CCP110: variants seen among roughly 807,000 people sequenced by gnomAD.
CCP110 encodes the protein centriolar coiled-coil protein 110.
In CCP110, 43 loss-of-function variants were observed where a neutral mutation model predicts 105.5. That is an observed-to-expected ratio of 0.41 (90% CI 0.32 to 0.53). CCP110 has a LOEUF of 0.53. Ranked by LOEUF, CCP110 falls within the 20% of genes least tolerant of loss-of-function variation. CCP110 has a pLI of 0.32. For missense variants in CCP110, 1,016 were observed against 1,189.1 expected, an observed-to-expected ratio of 0.85 and a Z score of 2.14; for synonymous variants, 353 against 392.1, an observed-to-expected ratio of 0.90 and a Z score of 1.18.
chr16:19,530,137 C>T (rs936335519), intron 2 of CCP110, among the ~76,000 whole-genome samples: 2 of 151,710 alleles, frequency 1.3e-5, no homozygotes, highest in Middle Eastern at 6.8e-3. Flanking sequence ...GCTGAGGCTG[C>T]GGTGAACCCT....
At chr16:19,541,028 A>G (rs923323959) in intron 5 of CCP110, among the ~76,000 whole-genome samples, 1 of 152,200 alleles carries the variant, frequency 6.6e-6, no homozygotes, top group Non-Finnish European at 1.5e-5. Flanking sequence ...TTAAAGCTTA[A>G]TATTTTAAAA....
At chr16:19,531,346 A>G (rs1434863580) in intron 2 of CCP110, among the ~76,000 whole-genome samples, 2 of 152,184 alleles carry the variant, frequency 1.3e-5, no homozygotes, top group Non-Finnish European at 2.9e-5. Flanking sequence ...ATAATTTTTT[A>G]ATGATATATT....
At chr16:19,542,787 A>C (rs1970333763) in intron 7 of CCP110, 27 bp downstream of exon 7, 1 of 1,596,104 alleles carries the variant, frequency 6.3e-7, no homozygotes, top group Non-Finnish European at 8.6e-7. Flanking sequence ...ATACATGTCC[A>C]TCTATCTATT....
chr16:19,532,902 A>C (rs1475237630), intron 3 of CCP110, among the ~76,000 whole-genome samples: 1 of 152,210 alleles, frequency 6.6e-6, no homozygotes, highest in African/African-American at 2.4e-5. Context: ...AAATGACCTT[A>C]TTCTCATTCT....
chr16:19,545,992 T>G, intron 11 of CCP110, 102 bp downstream of exon 11: 1 of 697,216 alleles, frequency 1.4e-6, no homozygotes, highest in Non-Finnish European at 2.5e-6. Flanking sequence ...GAGTTAATTT[T>G]TCTGCAGTTG....
intron 3 of CCP110, 37 bp from the exon 4 acceptor site, chr16:19,535,902 CA>C (rs1970034395): frequency 7.6e-7 from 1 of 1,307,678 alleles, no homozygotes; most frequent in African/African-American, 1.5e-5. Context: ...ACTTTTTGTG[CA>C]ATGAGGAAAT....
intron 4 of CCP110, among the ~76,000 whole-genome samples, chr16:19,538,293 G>A (rs1411861024): frequency 2.4e-5 from 3 of 125,522 alleles, no homozygotes; most frequent in Non-Finnish European, 4.7e-5. Flanking sequence ...ATAATTGGAG[G>A]AAACAGTTCT....
exon 15 of CCP110, chr16:19,551,732 C>T (rs1388227509): frequency 6.5e-6 from 1 of 153,660 alleles, no homozygotes; most frequent in South Asian, 2.0e-4. Context: ...TTGGATTAAC[C>T]ACTCAATGTC....
At chr16:19,532,240 C>T (rs548688226) in intron 2 of CCP110, among the ~76,000 whole-genome samples, 176 bp from the exon 3 acceptor site, 1 of 152,272 alleles carries the variant, frequency 6.6e-6, no homozygotes, top group African/African-American at 2.4e-5. Flanking sequence ...TTTTCTTCAC[C>T]ATGGAAAGAT....
chr16:19,547,870 G>C, intron 12 of CCP110, 85 bp from the exon 13 acceptor site: 1 of 936,432 alleles, frequency 1.1e-6, no homozygotes, highest in Non-Finnish European at 1.8e-6. Flanking sequence ...TTACCTTACA[G>C]TCATCATCTT....
chr16:19,539,240 G>A (rs1267780735), intron 4 of CCP110, among the ~76,000 whole-genome samples: 2 of 151,612 alleles, frequency 1.3e-5, no homozygotes, highest in African/African-American at 4.8e-5. Flanking sequence ...TTACTTTGTT[G>A]TCATTGTTGA....
At chr16:19,536,463 A>G (rs766959732) in exon 4 of CCP110, 2 of 1,614,078 alleles carry the variant, frequency 1.2e-6, no homozygotes, top group Admixed American at 1.7e-5. Context: ...GACAAAGAAC[A>G]TGATGCTGTT....
In CCP110 at chr16:19,545,887, T is replaced by C. The variant is rs373258310; in HGVS notation, c.2774T>C (p.Met925Thr). The C allele has an allele frequency of 6.3e-6, 10 of 1,584,364 alleles. No individual in the cohort carries two copies. The African/African-American group carries it at 8.1e-5, about 13-fold the overall frequency. The change falls in exon 11 of 15, where the codon ATG (methionine) becomes ACG (threonine). Residue 925 changes from methionine (M) to threonine (T), a missense_variant. Met to Thr is a moderately conservative substitution (Grantham distance 81). Coordinates refer to ENST00000381396, the Ensembl canonical transcript of CCP110. ...AAGTCTCTTGATAGGAAGAAATACATGAAGTAAGTTTTTTGTATCATGTCA... is the reference window on the plus strand; with the variant it reads ...AAGTCTCTTGATAGGAAGAAATACACGAAGTAAGTTTTTTGTATCATGTCA...
rs35453590 is a variant in CCP110, at chr16:19,526,127, A to G, written c.-15-1740A>G. On this transcript the variant is annotated intron_variant, in intron 1 of 14. Coordinates refer to ENST00000381396, the Ensembl canonical transcript of CCP110. ...ATATAGTACTATACATCTGCAAGAT[A>G]TAGGACATATATGTACTATTTAAGG... 30,521 of 152,188 alleles carry G rather than the reference A, an allele frequency of 0.2. 3,217 individuals are homozygous for G. The highest frequency in any genetic ancestry group is 0.24 in the African/African-American group (9,775 of 41,506). The allele number at this position is 152,188 out of a possible 1,614,324, so 9.4% of individuals were successfully genotyped here.
intron 4 of CCP110, among the ~76,000 whole-genome samples, chr16:19,539,076 C>T (rs1040283638): frequency 2.0e-5 from 3 of 151,056 alleles, no homozygotes; most frequent in African/African-American, 7.3e-5. Context: ...TGCACCATTG[C>T]ACTCCAGCCT....
chr16:19,550,542 G>A (rs777128338), intron 14 of CCP110, among the ~76,000 whole-genome samples: 14 of 152,216 alleles, frequency 9.2e-5, no homozygotes, highest in Middle Eastern at 6.8e-3. Context: ...ACTCACTGTC[G>A]CTCTTGAAAA....
At chr16:19,545,234 A>G (rs1307082941) in intron 10 of CCP110, 24 bp downstream of exon 10, 2 of 1,362,222 alleles carry the variant, frequency 1.5e-6, no homozygotes, top group Non-Finnish European at 1.0e-6. Context: ...TTTCTAATGA[A>G]TAGAGTTCTT....
Position 19,548,096 on chromosome 16 carries a change from A to G in CCP110, c.2900+82A>G. 1 of 975,538 alleles carries G rather than the reference A, an allele frequency of 1.0e-6. No homozygotes were observed. The highest frequency in any genetic ancestry group is 1.6e-6 in the Non-Finnish European group (1 of 610,968). 60.4% of individuals were successfully genotyped at this position (975,538 alleles called of 1,614,324 possible). A position where few individuals can be genotyped will look rare whatever the true frequency, so the allele number is the denominator to read the frequency against. The stretch of plus-strand genomic sequence containing the variant: ...GGGAAAAATAAATCTAGTGTTCTTT[A>G]TGTAAAGGATAATGGTTTTTCAATG... On this transcript the variant is annotated intron_variant, in intron 13 of 14. Transcript: ENST00000381396. The surrounding 1 kb of genome is among the most constrained non-coding windows in gnomAD (Gnocchi z 4.1).
intron 1 of CCP110, chr16:19,526,195 T>A (rs1440822059): frequency 6.6e-6 from 1 of 152,240 alleles, no homozygotes; most frequent in East Asian, 1.9e-4. Flanking sequence ...AGCTCTATGA[T>A]GTTGAAAGAA....
Sources: gnomAD v4.1 joint callset for allele counts (sites outside exome capture counted in the v4.1 genomes callset) on GRCh38, gnomAD v4.1.1 for gene constraint, Gnocchi (gnomAD v3.1) non-coding constraint, MANE v1.5 for transcripts, NCBI Gene and HGNC (gene_info 2026-07-23, HGNC 2026-07-21) for gene names.